Variants in SLC35H1 observed in about 807,000 individuals in gnomAD.
SLC35H1 encodes the protein ovarian cancer-overexpressed gene 1 protein.
At chr20:46,354,165 G>T in the SLC35H1 span, among the ~76,000 whole-genome samples, 1 of 152,176 alleles carries the variant, frequency 6.6e-6, no homozygotes, top group Non-Finnish European at 1.5e-5. Context: ...CATGTCCCCA[G>T]GCTCCTGTGT....
chr20:46,356,609 C>T, the SLC35H1 span: 1 of 1,614,122 alleles, frequency 6.2e-7, no homozygotes, highest in Middle Eastern at 1.7e-4. Flanking sequence ...TCCAGTTGGA[C>T]AAGCCCACGT....
the SLC35H1 span, chr20:46,357,577 C>A: frequency 6.3e-7 from 1 of 1,593,158 alleles, no homozygotes. Context: ...CCTATGGTTC[C>A]CCAGCCCCTC....
chr20:46,350,239 G>A, the SLC35H1 span: 2 of 839,288 alleles, frequency 2.4e-6, no homozygotes, highest in Non-Finnish European at 3.6e-6. Context: ...TCTGAAGGGA[G>A]GGGCAAAAGT....
At chr20:46,357,864 G>A in the SLC35H1 span, 1 of 1,458,974 alleles carries the variant, frequency 6.9e-7, no homozygotes, top group South Asian at 1.2e-5. Context: ...CTGCTGGAGT[G>A]GGGCTCATTC....
At chr20:46,356,759 C>T in the SLC35H1 span, 1 of 848,814 alleles carries the variant, frequency 1.2e-6, no homozygotes, top group Non-Finnish European at 1.9e-6. Flanking sequence ...TCCTGTGGGG[C>T]CCTTGGGCCT....
the SLC35H1 span, among the ~76,000 whole-genome samples, chr20:46,363,773 C>A: frequency 6.6e-6 from 1 of 152,256 alleles, no homozygotes. Flanking sequence ...CGAAACAGAT[C>A]ATGCCCTAAG....
At chr20:46,355,253 G>A in the SLC35H1 span, 1 of 1,608,600 alleles carries the variant, frequency 6.2e-7, no homozygotes, top group Non-Finnish European at 8.5e-7. The surrounding 1 kb of genome is among the most constrained non-coding windows in gnomAD (Gnocchi z 4.8). Context: ...TGGTAGGATG[G>A]GGAGCAGTGG....
the SLC35H1 span, chr20:46,356,529 C>T: frequency 1.2e-6 from 2 of 1,604,146 alleles, no homozygotes; most frequent in Non-Finnish European, 1.7e-6. Context: ...GACAGACAGA[C>T]AGCTTCAGCC....
chr20:46,360,045 CG>C, the SLC35H1 span, among the ~76,000 whole-genome samples: 1 of 152,134 alleles, frequency 6.6e-6, no homozygotes, highest in Admixed American at 6.5e-5. Context: ...ATGCTCCTGG[CG>C]TTCAGTAAGC....
At chr20:46,350,151 C>T in the SLC35H1 span, 1 of 356,638 alleles carries the variant, frequency 2.8e-6, no homozygotes, top group Non-Finnish European at 5.1e-6. Flanking sequence ...CCCTCTCCTG[C>T]TGCGATTCCA....
At chr20:46,363,499 C>T in the SLC35H1 span, among the ~76,000 whole-genome samples, 1 of 152,244 alleles carries the variant, frequency 6.6e-6, no homozygotes, top group Non-Finnish European at 1.5e-5. Flanking sequence ...GCATAATACA[C>T]TTGGTTACTT....
chr20:46,350,469 C>T, the SLC35H1 span: 1 of 1,613,364 alleles, frequency 6.2e-7, no homozygotes, highest in Non-Finnish European at 8.5e-7. Context: ...TCCGGAGCAG[C>T]AGCTCCAGGT....
the SLC35H1 span, among the ~76,000 whole-genome samples, chr20:46,359,586 T>C: frequency 6.6e-6 from 1 of 152,080 alleles, no homozygotes; most frequent in Non-Finnish European, 1.5e-5. Flanking sequence ...TAACCACTAC[T>C]CCCTGGAAGC....
chr20:46,350,262 G>A, the SLC35H1 span: 5 of 1,128,542 alleles, frequency 4.4e-6, no homozygotes, highest in African/African-American at 1.6e-5. Flanking sequence ...TGAGTCCCTG[G>A]CTTGGCCCCA....
chr20:46,350,621 C>G, the SLC35H1 span: 1 of 1,511,512 alleles, frequency 6.6e-7, no homozygotes, highest in Admixed American at 2.1e-5. Flanking sequence ...CCCCACCCAC[C>G]CACTCTGGAG....
the SLC35H1 span, chr20:46,352,810 G>C: frequency 6.5e-6 from 1 of 154,816 alleles, no homozygotes; most frequent in Non-Finnish European, 1.4e-5. Flanking sequence ...CGGAATGATG[G>C]GGAGGGCTCG....
chr20:46,357,387 G>A, the SLC35H1 span, among the ~76,000 whole-genome samples: 14 of 152,378 alleles, frequency 9.2e-5, no homozygotes, highest in South Asian at 2.1e-4. Flanking sequence ...AGGGAGCTGC[G>A]GGGCCGCAGG....
the SLC35H1 span, chr20:46,358,326 C>G: frequency 6.9e-7 from 1 of 1,459,218 alleles, no homozygotes; most frequent in South Asian, 1.1e-5. Context: ...TGAAGGGCAC[C>G]GTAGCCATGG....
At chr20:46,353,799 G>A in the SLC35H1 span, among the ~76,000 whole-genome samples, 2 of 152,150 alleles carry the variant, frequency 1.3e-5, no homozygotes, top group South Asian at 4.2e-4. Context: ...GGAGGGGAGG[G>A]AGAGTGTGGC....
Sources: gnomAD v4.1 joint callset for allele counts (sites outside exome capture counted in the v4.1 genomes callset) on GRCh38, gnomAD v4.1.1 for gene constraint, Gnocchi (gnomAD v3.1) non-coding constraint, MANE v1.5 for transcripts, NCBI Gene and HGNC (gene_info 2026-07-23, HGNC 2026-07-21) for gene names.